SND1: variants seen among roughly 807,000 people sequenced by gnomAD.
SND1 encodes staphylococcal nuclease and tudor domain containing 1.
SND1 carries 38 observed loss-of-function variants against 121.7 expected under a neutral mutation model. The observed-to-expected ratio is 0.31, with a 90% CI of 0.24 to 0.41. The LOEUF is 0.41. SND1 is among the 10% of genes least tolerant of loss of function. The pLI, the probability that SND1 is intolerant of heterozygous loss-of-function variation, is 1.00. For synonymous variants in SND1, 401 were observed against 447.4 expected (o/e 0.90, Z 1.31); for missense variants, 868 against 1,184.6 (o/e 0.73, Z 3.92).
chr7:128,005,425 T>C (rs1039459861), intron 16 of SND1, among the ~76,000 whole-genome samples: 3 of 152,240 alleles, frequency 2.0e-5, no homozygotes, highest in African/African-American at 7.2e-5. Context: ...CCTTCCTCTT[T>C]CATTCTTTCA....
Position 127,828,791 on chromosome 7 carries a change from T to C in SND1, c.1243-15533T>C, listed in dbSNP as rs549679384. Among the ~76,000 whole-genome samples the C allele has an allele frequency of 1.3e-4, 20 of 152,368 alleles. 1 individual carries two copies. The South Asian group carries it at 2.5e-3, about 19-fold the overall frequency. ...CACAATTCTTCTATTCTTGAGGTAT[T>C]GACTTATCTCCTGGGCTAAAAGACC... is the stretch of plus-strand genomic sequence containing the variant. On this transcript the variant is annotated intron_variant, in intron 11 of 23. Transcript: ENST00000354725.
chr7:127,940,834 C>T (rs753244483), intron 15 of SND1, among the ~76,000 whole-genome samples: 1 of 152,208 alleles, frequency 6.6e-6, no homozygotes, highest in Non-Finnish European at 1.5e-5. Context: ...AATTAGAAGA[C>T]ACTTAAGTGT....
At chr7:127,914,161 C>T (rs1019394979) in intron 14 of SND1, among the ~76,000 whole-genome samples, 3 of 152,118 alleles carry the variant, frequency 2.0e-5, no homozygotes, top group African/African-American at 7.2e-5. Flanking sequence ...GGAGGAAGAC[C>T]TGTGTTATAT....
At chr7:127,934,629 G>A (rs1801020709) in intron 15 of SND1, among the ~76,000 whole-genome samples, 1 of 152,042 alleles carries the variant, frequency 6.6e-6, no homozygotes, top group Non-Finnish European at 1.5e-5. Context: ...GGTGTTGAGT[G>A]GAGGGGAGAA....
chr7:127,653,320 G>T (rs1422587609), intron 1 of SND1, among the ~76,000 whole-genome samples: 1 of 152,038 alleles, frequency 6.6e-6, no homozygotes, highest in Non-Finnish European at 1.5e-5. Context: ...GCCCCCAGTT[G>T]TCCTCCCCAA....
intron 16 of SND1, among the ~76,000 whole-genome samples, chr7:128,007,206 T>C (rs1803000977): frequency 6.6e-6 from 1 of 152,230 alleles, no homozygotes; most frequent in Non-Finnish European, 1.5e-5. Context: ...TTCCATCATC[T>C]TCCTCAGCTT....
intron 13 of SND1, among the ~76,000 whole-genome samples, chr7:127,893,028 C>T (rs145027817): frequency 9.9e-4 from 150 of 152,182 alleles, no homozygotes; most frequent in Non-Finnish European, 1.8e-3. Flanking sequence ...CTAGTCTTGG[C>T]GAGCCTTCCA....
chr7:127,944,531 C>T (rs930642408), intron 15 of SND1, among the ~76,000 whole-genome samples: 1 of 152,198 alleles, frequency 6.6e-6, no homozygotes, highest in Non-Finnish European at 1.5e-5. Context: ...CTGTCATTCC[C>T]TCCCTCAGTT....
At chr7:127,670,709 C>G (rs987439185) in intron 1 of SND1, among the ~76,000 whole-genome samples, 1 of 151,230 alleles carries the variant, frequency 6.6e-6, no homozygotes, top group African/African-American at 2.4e-5. Flanking sequence ...AGTAATGGGT[C>G]TCACTTTGTT....
At chr7:127,677,691 G>A (rs924939405) in intron 1 of SND1, among the ~76,000 whole-genome samples, 6 of 152,180 alleles carry the variant, frequency 3.9e-5, no homozygotes, top group South Asian at 4.1e-4. Flanking sequence ...TGAGCTTGAC[G>A]TGTTCCAATA....
chr7:127,681,908 C>T (rs1030812298), intron 1 of SND1, among the ~76,000 whole-genome samples: 6 of 152,202 alleles, frequency 3.9e-5, no homozygotes, highest in African/African-American at 1.4e-4. Flanking sequence ...AGTATACCTA[C>T]TATACTATCT....
chr7:128,092,371 A>G lies in SND1; in HGVS notation c.*313A>G. 2.6e-6 allele frequency: 1 copy of G among 380,948 alleles called. No individual in the cohort carries two copies. The highest frequency in any genetic ancestry group is 4.8e-6 in the Non-Finnish European group (1 of 209,770). 23.6% of individuals were successfully genotyped at this position (380,948 alleles called of 1,614,324 possible). On this transcript the variant is annotated 3_prime_UTR_variant, in exon 24 of 24. Transcript: ENST00000354725. The surrounding 1 kb of genome is among the most constrained non-coding windows in gnomAD (Gnocchi z 4.9). ...AAATCAGGAAGAAACATCAAAGACT[A>G]TGTCCTAGTGGAGGGAGTAATCCTA...
intron 10 of SND1, among the ~76,000 whole-genome samples, chr7:127,796,595 C>T (rs971306203): frequency 6.6e-6 from 1 of 152,124 alleles, no homozygotes; most frequent in African/African-American, 2.4e-5. Context: ...GTGATTAGTG[C>T]TATAACTTTG....
intron 16 of SND1, among the ~76,000 whole-genome samples, chr7:128,048,390 C>G (rs1792989664): frequency 6.6e-6 from 1 of 151,848 alleles, no homozygotes; most frequent in Non-Finnish European, 1.5e-5. Flanking sequence ...ATTGAGTGTG[C>G]CTTGTGGGCA....
chr7:127,948,203 A>G (rs995230814), intron 15 of SND1, among the ~76,000 whole-genome samples: 1 of 152,196 alleles, frequency 6.6e-6, no homozygotes, highest in African/African-American at 2.4e-5. Flanking sequence ...AAGCTCACAC[A>G]GGTATCTGCC....
At chr7:128,018,847 A>C (rs1305708917) in intron 16 of SND1, among the ~76,000 whole-genome samples, 2 of 152,222 alleles carry the variant, frequency 1.3e-5, no homozygotes, top group Admixed American at 1.3e-4. Context: ...ACAGAATAAG[A>C]GAACCCTCTA....
intron 1 of SND1, among the ~76,000 whole-genome samples, chr7:127,658,054 A>G (rs1182077023): frequency 6.6e-6 from 1 of 152,090 alleles, no homozygotes; most frequent in African/African-American, 2.4e-5. Flanking sequence ...CAGCACTGTA[A>G]TCCCATCCCT....
chr7:127,791,873 T>A (rs1462576764), intron 10 of SND1, among the ~76,000 whole-genome samples: 1 of 152,230 alleles, frequency 6.6e-6, no homozygotes, highest in Non-Finnish European at 1.5e-5. Context: ...AGTAACCACG[T>A]TGACACATTT....
intron 16 of SND1, among the ~76,000 whole-genome samples, chr7:128,046,339 TG>T (rs199781080): frequency 2.7e-5 from 4 of 150,374 alleles, no homozygotes; most frequent in South Asian, 2.1e-4. Flanking sequence ...TTTGTTTTTT[TG>T]GGTTTTTTTT....
Sources: gnomAD v4.1 joint callset for allele counts (sites outside exome capture counted in the v4.1 genomes callset) on GRCh38, gnomAD v4.1.1 for gene constraint, Gnocchi (gnomAD v3.1) non-coding constraint, MANE v1.5 for transcripts, NCBI Gene and HGNC (gene_info 2026-07-23, HGNC 2026-07-21) for gene names.